The following KIF2C variants were observed in gnomAD, a reference collection of about 807,000 sequenced individuals.
KIF2C encodes kinesin family member 2C.
KIF2C carries 34 observed loss-of-function variants against 97.4 expected under a neutral mutation model. That is an observed-to-expected ratio of 0.35 (90% CI 0.27 to 0.46). The LOEUF is 0.46. Ranked by LOEUF, KIF2C falls within the 20% of genes least tolerant of loss-of-function variation. KIF2C has a pLI of 1.00. For missense variants in KIF2C, 750 were observed against 907.6 expected (o/e 0.83, Z 2.23); for synonymous variants, 313 against 318.2 (o/e 0.98, Z 0.17).
chr1:44,762,154 CGGG>C, intron 17 of KIF2C, 171 bp downstream of exon 17: 1 of 837,278 alleles, frequency 1.2e-6, no homozygotes. Context: ...CAATCCTCTC[CGGG>C]CCCTGCTGGA....
At chr1:44,748,819 T>C (rs1005461466) in intron 4 of KIF2C, among the ~76,000 whole-genome samples, 1 of 151,182 alleles carries the variant, frequency 6.6e-6, no homozygotes, top group African/African-American at 2.4e-5. Flanking sequence ...AGTGCTAGGA[T>C]TGCAGGCGCG....
chr1:44,755,001 C>T (rs980017610), intron 8 of KIF2C, among the ~76,000 whole-genome samples, 156 bp downstream of exon 8: 1 of 152,108 alleles, frequency 6.6e-6, no homozygotes, highest in Non-Finnish European at 1.5e-5. Context: ...GTCACCCAGG[C>T]TGGAGTGCAG....
intron 13 of KIF2C, among the ~76,000 whole-genome samples, chr1:44,758,429 G>A (rs1358912442): frequency 2.6e-5 from 4 of 151,968 alleles, no homozygotes; most frequent in South Asian, 4.2e-4. Context: ...CTTCTTCCCC[G>A]ATTGTGCACG....
chr1:44,743,943 C>A (rs1162051498), intron 2 of KIF2C, among the ~76,000 whole-genome samples: 1 of 152,192 alleles, frequency 6.6e-6, no homozygotes, highest in Non-Finnish European at 1.5e-5. Context: ...TTTCAACCAG[C>A]TATTATCAGT....
At chr1:44,761,873 C>T (rs747138561) in intron 16 of KIF2C, 43 bp from the exon 17 acceptor site, 3 of 1,586,174 alleles carry the variant, frequency 1.9e-6, no homozygotes, top group South Asian at 1.1e-5. Flanking sequence ...ATAGCATCCT[C>T]ACCGTGCCTC....
intron 2 of KIF2C, chr1:44,746,844 G>A (rs1649221515): frequency 7.7e-7 from 1 of 1,302,802 alleles, no homozygotes; most frequent in Non-Finnish European, 1.1e-6. Context: ...TGAATTTAGG[G>A]GTACCCCTGT....
chr1:44,754,213 G>A (rs554159396), intron 7 of KIF2C, among the ~76,000 whole-genome samples: 6 of 152,034 alleles, frequency 3.9e-5, no homozygotes, highest in East Asian at 1.9e-4. Flanking sequence ...GAGCTGTTGC[G>A]CCTGGCCTCT....
chr1:44,755,782 A>C lies in KIF2C; in HGVS notation c.760-147A>C. ...TCCCTTCTTGTGCTCTGGAGTATCT[A>C]ATGGAGGATGCAGGGGTCCTAGTGT... On this transcript the variant is annotated intron_variant, in intron 8 of 20. Coordinates refer to ENST00000372224, the MANE Select transcript of KIF2C (RefSeq NM_006845.4). The C allele has an allele frequency of 5.9e-6, 4 of 674,440 alleles. No homozygotes were observed. The South Asian group carries it at 7.2e-5, about 12-fold the overall frequency. The allele number at this position is 674,440 out of a possible 1,614,324, so 41.8% of individuals were successfully genotyped here.
chr1:44,757,831 T>C, intron 11 of KIF2C, 77 bp from the exon 12 acceptor site: 1 of 1,444,502 alleles, frequency 6.9e-7, no homozygotes, highest in Non-Finnish European at 9.7e-7. Flanking sequence ...TGTGGCCCAC[T>C]GTAGTGAAGG....
chr1:44,742,128 G>A (rs1024831198), intron 2 of KIF2C, among the ~76,000 whole-genome samples: 3 of 147,528 alleles, frequency 2.0e-5, no homozygotes, highest in Non-Finnish European at 4.5e-5. Flanking sequence ...TGTTTGTTTT[G>A]AGACAGAGTC....
intron 8 of KIF2C, among the ~76,000 whole-genome samples, chr1:44,755,046 C>T (rs1267986392): frequency 1.3e-5 from 2 of 151,880 alleles, no homozygotes; most frequent in African/African-American, 4.8e-5. Context: ...CCTCCACTTC[C>T]CTGGGCTTGA....
chr1:44,767,316 C>T lies in KIF2C; in HGVS notation c.*137C>T. On this transcript the variant is annotated 3_prime_UTR_variant, in exon 21 of 21. Coordinates refer to ENST00000372224, the MANE Select transcript of KIF2C (RefSeq NM_006845.4). ...TGGTAAATGCCAAGTATGGGGGCAT[C>T]TGGGCCCAGGGCAGCTGGGGAGGGG... The T allele has an allele frequency of 1.5e-6, 1 of 687,816 alleles. No individual in the cohort carries two copies. The highest frequency in any genetic ancestry group is 2.5e-6 in the Non-Finnish European group (1 of 396,320). The allele number at this position is 687,816 out of a possible 1,614,324, so 42.6% of individuals were successfully genotyped here.
At chr1:44,766,618 A>C (rs1007715329) in intron 19 of KIF2C, among the ~76,000 whole-genome samples, 6 of 151,136 alleles carry the variant, frequency 4.0e-5, no homozygotes, top group African/African-American at 1.5e-4. Context: ...TCAAAAAAGA[A>C]ACAAAGAAAA....
intron 19 of KIF2C, among the ~76,000 whole-genome samples, chr1:44,765,466 AAAG>A (rs2148836843): frequency 1.2e-5 from 1 of 86,496 alleles, no homozygotes; most frequent in South Asian, 3.1e-4. Context: ...AATAATAAAA[AAAG>A]AAAGAAAGAA....
chr1:44,742,320 G>A (rs1015148727), intron 2 of KIF2C, among the ~76,000 whole-genome samples: 4 of 151,696 alleles, frequency 2.6e-5, no homozygotes, highest in South Asian at 2.1e-4. Flanking sequence ...TGTGTTAGCC[G>A]GGATGGTCTC....
intron 1 of KIF2C, 32 bp from the exon 2 acceptor site, chr1:44,740,881 A>AT (rs762555549): frequency 6.7e-7 from 1 of 1,498,456 alleles, no homozygotes; most frequent in East Asian, 2.4e-5. Flanking sequence ...CAGGAAAGAG[A>AT]TGGGTAACTC....
chr1:44,762,252 T>C, intron 17 of KIF2C, 94 bp from the exon 18 acceptor site: 2 of 1,178,792 alleles, frequency 1.7e-6, no homozygotes, highest in Non-Finnish European at 2.6e-6. Context: ...TCCATCCCCT[T>C]GGAGCCTCAA....
intron 19 of KIF2C, among the ~76,000 whole-genome samples, chr1:44,764,377 A>C (rs1014523746): frequency 2.0e-5 from 3 of 151,886 alleles, no homozygotes; most frequent in Non-Finnish European, 4.4e-5. Flanking sequence ...GGGTTTTACC[A>C]TGTTGGCCAG....
intron 11 of KIF2C, 88 bp from the exon 12 acceptor site, chr1:44,757,820 T>G (rs1649920377): frequency 7.2e-7 from 1 of 1,384,932 alleles, no homozygotes; most frequent in South Asian, 1.2e-5. Flanking sequence ...TCTGGCTTTG[T>G]TGTGGCCCAC....
Sources: allele counts gnomAD v4.1 joint callset (sites outside exome capture counted in the v4.1 genomes callset), GRCh38; gene constraint gnomAD v4.1.1; transcripts MANE v1.5; gene names NCBI Gene and HGNC (gene_info 2026-07-23, HGNC 2026-07-21).